The following VWF variants were observed in gnomAD, a reference collection of about 807,000 sequenced individuals.
The protein encoded by VWF is von Willebrand factor.
Under a neutral mutation model 308.6 loss-of-function variants are expected in VWF, and 176 were observed. The observed-to-expected ratio is 0.57, with a 90% CI of 0.50 to 0.65. The LOEUF (loss-of-function observed/expected upper bound fraction) is 0.65, where lower values mean the gene tolerates loss of function less well. VWF is among the 30% of genes least tolerant of loss of function. The pLI, the probability that VWF is intolerant of heterozygous loss-of-function variation, is 0.00. For missense variants in VWF, 3,146 were observed against 3,648.2 expected, an observed-to-expected ratio of 0.86 and a Z score of 3.55; for synonymous variants, 1,385 against 1,443.4, an observed-to-expected ratio of 0.96 and a Z score of 0.92.
chr12:6,051,296 T>C (rs1390657983), intron 16 of VWF, among the ~76,000 whole-genome samples: 4 of 143,784 alleles, frequency 2.8e-5, no homozygotes, highest in Non-Finnish European at 4.5e-5. Flanking sequence ...CTTTTTTTTT[T>C]TTTTTTTTTT....
chr12:6,056,699 A>T (rs1419191205), intron 15 of VWF, among the ~76,000 whole-genome samples, 158 bp downstream of exon 15: 1 of 152,166 alleles, frequency 6.6e-6, no homozygotes, highest in Non-Finnish European at 1.5e-5. Context: ...GGTGGAAGGG[A>T]AAAGTGGGTG....
chr12:6,066,906 A>G (rs1944721532), intron 10 of VWF, among the ~76,000 whole-genome samples: 1 of 152,248 alleles, frequency 6.6e-6, no homozygotes, highest in South Asian at 2.1e-4. Flanking sequence ...TGAAGGCAGG[A>G]TTAAGGATGA....
rs749305071 is a variant in VWF, at chr12:6,058,144, C to T, written c.1534-100G>A. ...TTTTAATAAAAAAAAAAAAGTTCCC[C>T]GGGTGAAACATAAATATGAATGTAA... On this transcript the variant is annotated intron_variant, in intron 13 of 51. Transcript: ENST00000261405. The surrounding 1 kb of genome is among the most constrained non-coding windows in gnomAD (Gnocchi z 4.9). 7 of 1,278,358 alleles carry T rather than the reference C, an allele frequency of 5.5e-6. No homozygotes were observed. The highest frequency in any genetic ancestry group is 4.0e-5 in the South Asian group (3 of 75,552). The allele number at this position is 1,278,358 out of a possible 1,614,324, so 79.2% of individuals were successfully genotyped here.
At chr12:6,032,953 C>T (rs1231303729) in intron 20 of VWF, among the ~76,000 whole-genome samples, 3 of 151,880 alleles carry the variant, frequency 2.0e-5, no homozygotes, top group African/African-American at 7.3e-5. Flanking sequence ...CACACATACA[C>T]CCATGTACTC....
At chr12:6,098,421 T>C (rs2136504007) in intron 5 of VWF, among the ~76,000 whole-genome samples, 1 of 152,304 alleles carries the variant, frequency 6.6e-6, no homozygotes, top group South Asian at 2.1e-4. Flanking sequence ...CTGAAACACG[T>C]GCCACTACAA....
intron 16 of VWF, among the ~76,000 whole-genome samples, chr12:6,050,731 G>A (rs150166539): frequency 6.6e-6 from 1 of 152,172 alleles, no homozygotes; most frequent in African/African-American, 2.4e-5. Context: ...AGGCCGAGGC[G>A]GGCAGATCAT....
At chr12:6,025,030 A>AG (rs1323582814) in intron 24 of VWF, among the ~76,000 whole-genome samples, 4 of 142,246 alleles carry the variant, frequency 2.8e-5, no homozygotes, top group Non-Finnish European at 6.1e-5. Context: ...CTCAAAAAAA[A>AG]AAAAAAAAGA....
chr12:5,985,007 G>A (rs747121849), intron 40 of VWF, 38 bp downstream of exon 40: 2 of 1,606,946 alleles, frequency 1.2e-6, no homozygotes, highest in Non-Finnish European at 1.7e-6. Context: ...TGGGGCTAGG[G>A]TTGGGCCCTG....
Position 6,052,625 on chromosome 12 carries a change from C to A in VWF, c.2104G>T (p.Val702Leu), listed in dbSNP as rs767946240. The A allele has an allele frequency of 5.0e-6, 8 of 1,614,242 alleles. No homozygotes were observed. Among genetic ancestry groups the A allele is most frequent in the Non-Finnish European group, 6.8e-6 (8 of 1,180,044 alleles). ...TAACAGGGGCACTGGGCCTTGGGCA[C>A]GCAGTCCCCCCTCTCATCCATGTAG... The part of the protein sequence containing the change: ...GLYMDERGDC[V>L]PKAQCPCYYD... The change falls in exon 16 of 52, where the codon GTG (valine) becomes TTG (leucine). Residue 702 changes from valine (V) to leucine (L), a missense_variant. Coordinates refer to ENST00000261405, the MANE Select transcript of VWF (RefSeq NM_000552.5).
intron 47 of VWF, among the ~76,000 whole-genome samples, chr12:5,964,036 T>A (rs200867274): frequency 6.6e-6 from 1 of 151,730 alleles, no homozygotes; most frequent in East Asian, 1.9e-4. Context: ...TGAAACCCCG[T>A]CTCTACTAAA....
At chr12:6,112,355 G>C (rs1264773114) in intron 3 of VWF, among the ~76,000 whole-genome samples, 1 of 152,178 alleles carries the variant, frequency 6.6e-6, no homozygotes, top group East Asian at 1.9e-4. Flanking sequence ...ACTGCTACTC[G>C]TGGTGGGTCT....
chr12:6,034,200 C>A (rs540518451), intron 20 of VWF, among the ~76,000 whole-genome samples: 2 of 152,302 alleles, frequency 1.3e-5, no homozygotes, highest in African/African-American at 4.8e-5. Context: ...TCGTGGGAAG[C>A]AAACTCCAGG....
chr12:5,984,251 T>C (rs1170645953), intron 40 of VWF, among the ~76,000 whole-genome samples: 1 of 152,216 alleles, frequency 6.6e-6, no homozygotes, highest in East Asian at 1.9e-4. Context: ...AATGAGGGGC[T>C]TGAAGTAAAT....
intron 34 of VWF, among the ~76,000 whole-genome samples, chr12:6,001,273 T>C (rs1257859530): frequency 6.6e-6 from 1 of 152,036 alleles, no homozygotes; most frequent in Non-Finnish European, 1.5e-5. Context: ...TAAAATATAA[T>C]GACGAAAGAA....
chr12:6,123,807 G>A (rs2136538564), intron 1 of VWF, among the ~76,000 whole-genome samples: 1 of 152,256 alleles, frequency 6.6e-6, no homozygotes, highest in African/African-American at 2.4e-5. Context: ...ATGGACAGGA[G>A]TCCAGCGGCC....
At chr12:5,992,862 G>T (rs944407945) in intron 37 of VWF, among the ~76,000 whole-genome samples, 1 of 152,224 alleles carries the variant, frequency 6.6e-6, no homozygotes, top group African/African-American at 2.4e-5. Context: ...TCAGTATGCA[G>T]AGAAAGTGCT....
At chr12:6,085,964 C>T (rs1944966915) in intron 6 of VWF, among the ~76,000 whole-genome samples, 2 of 152,148 alleles carry the variant, frequency 1.3e-5, no homozygotes, top group East Asian at 1.9e-4. Context: ...AGCCACTGAC[C>T]TCTGCCATGA....
Position 6,075,898 on chromosome 12 carries a change from G to A in VWF, c.658-347C>T. Among the ~76,000 whole-genome samples, 1 of 152,322 alleles carries A rather than the reference G, an allele frequency of 6.6e-6. No homozygotes were observed. The highest frequency in any genetic ancestry group is 1.9e-4 in the East Asian group (1 of 5,180). On this transcript the variant is annotated intron_variant, in intron 6 of 51. Coordinates refer to ENST00000261405, the MANE Select transcript of VWF (RefSeq NM_000552.5). This position sits in a 1 kb window ranked among gnomAD's most constrained non-coding sequence, Gnocchi z 4.7. ...CCTGGAGTTGGCCTGGGTGGCTGCA[G>A]AGTCCAGGAATGCTGTCAGCATCGG...
intron 5 of VWF, among the ~76,000 whole-genome samples, chr12:6,100,871 AC>A (rs1945154981): frequency 6.6e-6 from 1 of 152,180 alleles, no homozygotes; most frequent in African/African-American, 2.4e-5. Context: ...GTGCACATGT[AC>A]CCTAAAACTT....
Sources: gnomAD v4.1 joint callset for allele counts (sites outside exome capture counted in the v4.1 genomes callset) on GRCh38, gnomAD v4.1.1 for gene constraint, Gnocchi (gnomAD v3.1) non-coding constraint, MANE v1.5 for transcripts, NCBI Gene and HGNC (gene_info 2026-07-23, HGNC 2026-07-21) for gene names.